The following SLC2A13 variants were observed in gnomAD, a reference collection of about 807,000 sequenced individuals.
SLC2A13 encodes proton myo-inositol cotransporter.
SLC2A13 carries 32 observed loss-of-function variants against 64.4 expected under a neutral mutation model. The observed-to-expected ratio is 0.50, with a 90% CI of 0.37 to 0.67. SLC2A13 has a LOEUF of 0.67. SLC2A13 is among the 30% of genes least tolerant of loss of function. The probability of loss-of-function intolerance (pLI) is 0.00; values close to 1 mark genes in which losing one functional copy is unlikely to be tolerated. For missense variants in SLC2A13, 743 were observed against 829.2 expected, an observed-to-expected ratio of 0.90 and a Z score of 1.28; for synonymous variants, 338 against 327.1, an observed-to-expected ratio of 1.03 and a Z score of -0.36.
intron 3 of SLC2A13, among the ~76,000 whole-genome samples, chr12:39,962,217 A>C (rs1162774406): frequency 6.6e-6 from 1 of 152,154 alleles, no homozygotes; most frequent in East Asian, 1.9e-4. Flanking sequence ...CAGCCTCCTG[A>C]GTAGCTGGGA....
chr12:39,828,375 A>G (rs899237985), intron 7 of SLC2A13, among the ~76,000 whole-genome samples: 3 of 151,628 alleles, frequency 2.0e-5, no homozygotes, highest in Non-Finnish European at 2.9e-5. Flanking sequence ...ACTTTTCTCT[A>G]ATTTATGTGC....
At chr12:39,803,228 TAGA>T (rs1235722205) in intron 7 of SLC2A13, among the ~76,000 whole-genome samples, 13 of 150,304 alleles carry the variant, frequency 8.6e-5, no homozygotes, top group African/African-American at 3.2e-4. Flanking sequence ...AAAAACTTTC[TAGA>T]AGGACAAGCT....
chr12:39,807,420 T>C (rs1294349845), intron 7 of SLC2A13, among the ~76,000 whole-genome samples: 1 of 152,202 alleles, frequency 6.6e-6, no homozygotes, highest in Non-Finnish European at 1.5e-5. Flanking sequence ...ACCATAATTA[T>C]GCAAGTTGTT....
chr12:40,032,026 T>C (rs1460376200), intron 2 of SLC2A13, among the ~76,000 whole-genome samples: 2 of 152,164 alleles, frequency 1.3e-5, no homozygotes, highest in Admixed American at 1.3e-4. Flanking sequence ...TCAGGGTTTC[T>C]AAACCTGGCT....
At chr12:39,773,952 T>C (rs1312475923) in intron 7 of SLC2A13, among the ~76,000 whole-genome samples, 1 of 152,166 alleles carries the variant, frequency 6.6e-6, no homozygotes, top group Admixed American at 6.5e-5. Context: ...CTGAGGAGTG[T>C]CAGTGAAGCA....
chr12:39,950,667 T>C (rs1388929321), intron 4 of SLC2A13: 3 of 152,230 alleles, frequency 2.0e-5, no homozygotes, highest in Non-Finnish European at 2.9e-5. Context: ...GGAAACCTAG[T>C]AGAGCCCTTA....
chr12:39,793,201 A>G (rs1941463467), intron 7 of SLC2A13, among the ~76,000 whole-genome samples: 1 of 152,270 alleles, frequency 6.6e-6, no homozygotes, highest in Non-Finnish European at 1.5e-5. Context: ...ATATACTACA[A>G]TCATTGGACA....
At chr12:39,852,554 G>A (rs542658863) in intron 6 of SLC2A13, among the ~76,000 whole-genome samples, 56 of 152,136 alleles carry the variant, frequency 3.7e-4, no homozygotes, top group Non-Finnish European at 4.9e-4. Context: ...TTTTTTCTTG[G>A]AAGGTAACAA....
At chr12:40,034,519 A>G (rs11174831) in intron 2 of SLC2A13, among the ~76,000 whole-genome samples, 10,265 of 152,274 alleles carry the variant, frequency 0.067, 692 homozygotes, top group East Asian at 0.39. Flanking sequence ...AACTAAAAAA[A>G]GGAAATGAAA....
At chr12:40,010,148 C>T (rs1947503337) in intron 3 of SLC2A13, among the ~76,000 whole-genome samples, 1 of 152,174 alleles carries the variant, frequency 6.6e-6, no homozygotes, top group Admixed American at 6.5e-5. Flanking sequence ...AGAGACAGAT[C>T]TTATGATGGT....
chr12:39,848,560 A>G (rs901241466), intron 6 of SLC2A13, among the ~76,000 whole-genome samples: 2 of 152,128 alleles, frequency 1.3e-5, no homozygotes, highest in African/African-American at 4.8e-5. Context: ...AGGGAATGCT[A>G]ATATACTGTT....
At position 40,106,078 on chromosome 12, in the gene SLC2A13, G is replaced by A. The variant is rs910175727; in HGVS notation, c.-270C>T. The A allele has an allele frequency of 6.3e-6, 2 of 317,510 alleles. No individual in the cohort carries two copies. Among genetic ancestry groups the A allele is most frequent in the Non-Finnish European group, 1.1e-5 (2 of 178,076 alleles). The allele number at this position is 317,510 out of a possible 1,614,324, so 19.7% of individuals were successfully genotyped here. A position where few individuals can be genotyped will look rare whatever the true frequency, so the allele number is the denominator to read the frequency against. ...GCCTGCCGAGCTGGCGCTGCGGAGC[G>A]GGCGGGAGGCGGGACCGCGGGTCAC... On this transcript the variant is annotated 5_prime_UTR_variant, in exon 1 of 10. Transcript: ENST00000280871.
chr12:40,094,805 T>C (rs565706920), intron 1 of SLC2A13, among the ~76,000 whole-genome samples: 1 of 152,362 alleles, frequency 6.6e-6, no homozygotes, highest in African/African-American at 2.4e-5. Flanking sequence ...TGTCCATGCT[T>C]ATGGGAATAA....
chr12:39,848,297 TC>T (rs780996761), intron 6 of SLC2A13, among the ~76,000 whole-genome samples: 12 of 152,082 alleles, frequency 7.9e-5, no homozygotes, highest in Non-Finnish European at 8.8e-5. Context: ...AGGTCTAATA[TC>T]CAGCATTTAT....
In SLC2A13 at chr12:39,758,797, T is replaced by A. The variant is rs979521665; in HGVS notation, c.*1229A>T. On this transcript the variant is annotated 3_prime_UTR_variant, in exon 10 of 10. Transcript: ENST00000280871. ...ACAGAGACAAATCTATGTATCTTTT[T>A]TTTTTCTGGTAAATTCTCAGGAAAA... 1 of 151,864 alleles carries A rather than the reference T, an allele frequency of 6.6e-6. No homozygotes were observed. The highest frequency in any genetic ancestry group is 1.5e-5 in the Non-Finnish European group (1 of 67,806). The allele number at this position is 151,864 out of a possible 1,614,324, so 9.4% of individuals were successfully genotyped here. A position where few individuals can be genotyped will look rare whatever the true frequency, so the allele number is the denominator to read the frequency against.
chr12:40,091,396 T>G (rs1393320696), intron 1 of SLC2A13, among the ~76,000 whole-genome samples: 1 of 152,176 alleles, frequency 6.6e-6, no homozygotes, highest in African/African-American at 2.4e-5. Flanking sequence ...TGTTAAAACT[T>G]TATTCTACAG....
chr12:40,020,400 T>A lies in SLC2A13; in HGVS notation c.925+7901A>T, dbSNP rs564863936. Among the ~76,000 whole-genome samples the A allele has an allele frequency of 7.9e-4, 121 of 152,286 alleles. 1 individual carries two copies. Among genetic ancestry groups the A allele is most frequent in the African/African-American group, 2.8e-3 (117 of 41,560 alleles). ...ACGGTTTAAAACTGTGTGACTTTCT[T>A]CACTCTCTCTCCTGCGGCCATGTGA... On this transcript the variant is annotated intron_variant, in intron 3 of 9. Transcript: ENST00000280871.
intron 1 of SLC2A13, among the ~76,000 whole-genome samples, chr12:40,060,586 C>T (rs931436823): frequency 6.6e-6 from 1 of 152,170 alleles, no homozygotes; most frequent in Non-Finnish European, 1.5e-5. Flanking sequence ...AATATTCTCA[C>T]TGCTGCTAGA....
At chr12:40,041,932 C>T (rs1341153875) in intron 2 of SLC2A13, among the ~76,000 whole-genome samples, 1 of 152,184 alleles carries the variant, frequency 6.6e-6, no homozygotes, top group African/African-American at 2.4e-5. Flanking sequence ...TGTACATCAT[C>T]ACTGTAGTCT....
Sources: allele counts gnomAD v4.1 joint callset (sites outside exome capture counted in the v4.1 genomes callset), GRCh38; gene constraint gnomAD v4.1.1; transcripts MANE v1.5; gene names NCBI Gene and HGNC (gene_info 2026-07-23, HGNC 2026-07-21).